The following TOX2 variants were observed in gnomAD, a reference collection of about 807,000 sequenced individuals.
TOX2 encodes the protein TOX high mobility group box family member 2.
Under a neutral mutation model 47.4 loss-of-function variants are expected in TOX2, and 15 were observed. That is an observed-to-expected ratio of 0.32 (90% CI 0.21 to 0.49). The LOEUF is 0.49. Ranked by LOEUF, TOX2 falls within the 20% of genes least tolerant of loss-of-function variation. The pLI is 0.99. For synonymous variants in TOX2, 290 were observed against 296.6 expected, an observed-to-expected ratio of 0.98 and a Z score of 0.23; for missense variants, 622 against 673.1, an observed-to-expected ratio of 0.92 and a Z score of 0.84.
At chr20:44,030,104 C>T (rs559057535) in intron 3 of TOX2, among the ~76,000 whole-genome samples, 1 of 152,248 alleles carries the variant, frequency 6.6e-6, no homozygotes, top group African/African-American at 2.4e-5. Flanking sequence ...ACCATGCAAT[C>T]GGCCCCCACC....
At chr20:44,068,405 C>T (rs2071872743) in intron 8 of TOX2, among the ~76,000 whole-genome samples, 2 of 152,046 alleles carry the variant, frequency 1.3e-5, no homozygotes, top group Non-Finnish European at 2.9e-5. Context: ...AAGACAGACA[C>T]GCTACTGCCC....
intron 2 of TOX2, among the ~76,000 whole-genome samples, chr20:44,002,059 G>A (rs1255697661): frequency 6.6e-6 from 1 of 152,096 alleles, no homozygotes. Flanking sequence ...AAGATGGGCT[G>A]GGGGCCGATT....
Position 44,011,414 on chromosome 20 carries a change from C to T in TOX2, c.411+4622C>T, listed in dbSNP as rs191135172. Among the ~76,000 whole-genome samples the T allele has an allele frequency of 1.5e-4, 23 of 152,286 alleles. 1 individual carries two copies. The East Asian group carries it at 4.4e-3, about 29-fold the overall frequency. ...CCTATTTCTAAGACTGTGGTAAATT[C>T]TCTAATAGCATCAGTGTGTGGTGCT... is the stretch of plus-strand genomic sequence containing the variant. On this transcript the variant is annotated intron_variant, in intron 3 of 8. Coordinates refer to ENST00000341197, the MANE Select transcript of TOX2 (RefSeq NM_001098797.2).
At chr20:44,002,496 G>A (rs540487785) in intron 2 of TOX2, among the ~76,000 whole-genome samples, 5 of 152,296 alleles carry the variant, frequency 3.3e-5, no homozygotes, top group African/African-American at 9.6e-5. Context: ...CTTTATAGCA[G>A]CCCTGTAGAT....
chr20:43,985,785 G>A (rs189757668), intron 2 of TOX2, among the ~76,000 whole-genome samples: 51 of 152,272 alleles, frequency 3.3e-4, no homozygotes, highest in South Asian at 8.3e-4. Context: ...GAGGTAGCAG[G>A]GTCTGTGCCA....
intron 1 of TOX2, among the ~76,000 whole-genome samples, chr20:43,935,007 A>G (rs6031247): frequency 0.88 from 133,487 of 152,118 alleles, 58,732 homozygotes; most frequent in East Asian, 0.99. Context: ...CAGGAATCTT[A>G]GTGACAGCTG....
chr20:44,000,816 C>G (rs1306695656), intron 2 of TOX2, among the ~76,000 whole-genome samples: 1 of 152,050 alleles, frequency 6.6e-6, no homozygotes, highest in Non-Finnish European at 1.5e-5. Flanking sequence ...GTTGAAGGAC[C>G]AATATCTCTG....
chr20:43,915,457 C>A lies in TOX2; in HGVS notation c.99+467C>A, dbSNP rs963858652. 2.0e-5 allele frequency among the ~76,000 whole-genome samples: 3 copies of A among 152,182 alleles called. No homozygotes were observed. Among genetic ancestry groups the A allele is most frequent in the African/African-American group, 7.2e-5 (3 of 41,452 alleles). On this transcript the variant is annotated intron_variant, in intron 1 of 8. Transcript: ENST00000341197. The surrounding 1 kb of genome is among the most constrained non-coding windows in gnomAD (Gnocchi z 7.1). ...GACATGCCCCCACCCGCTGTCACAC[C>A]CAGGCACAACGGGGGACAGTCACAC...
At chr20:43,927,458 AACACACACACACAC>A (rs34410581) in intron 1 of TOX2, among the ~76,000 whole-genome samples, 12,920 of 131,444 alleles carry the variant, frequency 0.098, 1,262 homozygotes, top group African/African-American at 0.24. Context: ...TGATCTATAT[AACACACACACACAC>A]ACACACACAC....
intron 2 of TOX2, among the ~76,000 whole-genome samples, chr20:43,986,276 T>TATGTATGTATGC (rs2070263181): frequency 6.6e-6 from 1 of 151,696 alleles, no homozygotes; most frequent in East Asian, 1.9e-4. Context: ...TGTATGTATG[T>TATGTATGTATGC]ATGTATGTAT....
At chr20:44,013,070 G>A (rs1600736266) in intron 3 of TOX2, among the ~76,000 whole-genome samples, 3 of 152,180 alleles carry the variant, frequency 2.0e-5, no homozygotes, top group Admixed American at 6.5e-5. Flanking sequence ...TCCTGTGCCC[G>A]GAGCCTGGGG....
intron 5 of TOX2, among the ~76,000 whole-genome samples, chr20:44,057,996 G>GA (rs1440846881): frequency 2.6e-3 from 378 of 146,182 alleles, no homozygotes; most frequent in African/African-American, 8.8e-3. Context: ...AAAAATGGCA[G>GA]GAAGGAGGCA....
intron 1 of TOX2, among the ~76,000 whole-genome samples, chr20:43,924,544 G>A (rs1411245757): frequency 6.6e-6 from 1 of 152,164 alleles, no homozygotes; most frequent in South Asian, 2.1e-4. Context: ...CTGGAGTCCT[G>A]TCTAGTTCAA....
At chr20:44,033,579 G>T (rs2145695238) in intron 3 of TOX2, among the ~76,000 whole-genome samples, 1 of 152,044 alleles carries the variant, frequency 6.6e-6, no homozygotes, top group South Asian at 2.1e-4. Flanking sequence ...GAGATGGGAG[G>T]GCCCAACAGA....
chr20:43,966,163 A>G (rs1259423612), intron 1 of TOX2, among the ~76,000 whole-genome samples: 1 of 152,206 alleles, frequency 6.6e-6, no homozygotes, highest in Non-Finnish European at 1.5e-5. Flanking sequence ...GTTGTTTTAT[A>G]GGTGAGGAAA....
intron 1 of TOX2, among the ~76,000 whole-genome samples, chr20:43,934,022 G>A (rs1253461468): frequency 6.6e-6 from 1 of 151,888 alleles, no homozygotes; most frequent in African/African-American, 2.4e-5. Flanking sequence ...TTCACAAGGT[G>A]ATGGTTTGGT....
chr20:44,000,552 T>C (rs2070558911), intron 2 of TOX2, among the ~76,000 whole-genome samples: 1 of 151,790 alleles, frequency 6.6e-6, no homozygotes, highest in African/African-American at 2.4e-5. Flanking sequence ...CAAATAACAG[T>C]GGGCTATATG....
intron 2 of TOX2, among the ~76,000 whole-genome samples, chr20:43,989,795 A>C (rs891571569): frequency 1.3e-5 from 2 of 151,880 alleles, no homozygotes; most frequent in Admixed American, 6.6e-5. Flanking sequence ...AAAAAAAAAA[A>C]AACCCACCCA....
intron 6 of TOX2, 111 bp downstream of exon 6, chr20:44,064,968 T>C: frequency 1.0e-6 from 1 of 972,280 alleles, no homozygotes; most frequent in Non-Finnish European, 1.6e-6. Context: ...TTAGAAAGAA[T>C]GGCTCAGACC....
Sources: gnomAD v4.1 joint callset for allele counts (sites outside exome capture counted in the v4.1 genomes callset) on GRCh38, gnomAD v4.1.1 for gene constraint, Gnocchi (gnomAD v3.1) non-coding constraint, MANE v1.5 for transcripts, NCBI Gene and HGNC (gene_info 2026-07-23, HGNC 2026-07-21) for gene names.